Variants in OTUD7B observed in about 807,000 individuals in gnomAD.
OTUD7B encodes the protein OTU domain-containing protein 7B.
A neutral mutation model predicts 82.2 loss-of-function variants in OTUD7B; 34 were observed. The observed-to-expected ratio is 0.41, with a 90% CI of 0.31 to 0.55. OTUD7B has a LOEUF of 0.55. Ranked by LOEUF, OTUD7B falls within the 20% of genes least tolerant of loss-of-function variation. OTUD7B has a pLI of 0.20. For missense variants in OTUD7B, 944 were observed against 1,062.1 expected, an observed-to-expected ratio of 0.89 and a Z score of 1.55; for synonymous variants, 398 against 402.7, an observed-to-expected ratio of 0.99 and a Z score of 0.14.
At chr1:150,028,549 C>T in the OTUD7B span, among the ~76,000 whole-genome samples, 6 of 152,184 alleles carry the variant, frequency 3.9e-5, no homozygotes, top group Non-Finnish European at 5.9e-5. Context: ...CTCCAGAATT[C>T]TTTTCACTTT....
chr1:150,043,595 A>G, the OTUD7B span, among the ~76,000 whole-genome samples: 1 of 152,102 alleles, frequency 6.6e-6, no homozygotes, highest in African/African-American at 2.4e-5. Context: ...CAAGCAGATG[A>G]TGAATGACTT....
At chr1:149,962,184 T>C (rs1481103840) in intron 6 of OTUD7B, 1 of 152,246 alleles carries the variant, frequency 6.6e-6, no homozygotes, top group Non-Finnish European at 1.5e-5. Flanking sequence ...TCCCTCTTCC[T>C]GGCCGGTTTC....
the OTUD7B span, among the ~76,000 whole-genome samples, chr1:150,021,188 C>T: frequency 1.3e-5 from 2 of 152,140 alleles, no homozygotes; most frequent in Admixed American, 6.5e-5. Flanking sequence ...TTTCCCCCTT[C>T]GGGTCATATA....
the OTUD7B span, among the ~76,000 whole-genome samples, chr1:150,022,396 CAAAAAAAAA>C: frequency 5.3e-3 from 32 of 6,084 alleles, 5 homozygotes; most frequent in African/African-American, 7.5e-3. Flanking sequence ...AAACTCTCTA[CAAAAAAAAA>C]AAAAAAAAAA....
rs1219322629 is a variant in OTUD7B, at chr1:149,938,894, T to C, written c.*4963A>G. 2.3e-5 allele frequency: 3 copies of C among 133,192 alleles called. No individual in the cohort carries two copies. Among genetic ancestry groups the C allele is most frequent in the Non-Finnish European group, 4.6e-5 (3 of 65,472 alleles). 8.3% of individuals were successfully genotyped at this position (133,192 alleles called of 1,614,324 possible). On this transcript the variant is annotated 3_prime_UTR_variant, in exon 12 of 12. Transcript: ENST00000581312. ...TTGCAGTGAGCCGGGATCGCGCCAT[T>C]GCACTCCATCCTGGGCGACAAGAGC... is the stretch of plus-strand genomic sequence containing the variant.
intron 2 of OTUD7B, among the ~76,000 whole-genome samples, chr1:149,975,680 A>T (rs1278175661): frequency 6.6e-6 from 1 of 152,182 alleles, no homozygotes; most frequent in Non-Finnish European, 1.5e-5. Flanking sequence ...AGAGGTGACA[A>T]GTCAGGCCTG....
At chr1:149,974,431 T>C (rs1382655849) in intron 2 of OTUD7B, among the ~76,000 whole-genome samples, 1 of 152,140 alleles carries the variant, frequency 6.6e-6, no homozygotes, top group African/African-American at 2.4e-5. Context: ...ACTCCCCTGA[T>C]TAAAATCCTT....
At chr1:150,052,816 C>CAAA in the OTUD7B span, among the ~76,000 whole-genome samples, 13 of 9,448 alleles carry the variant, frequency 1.4e-3, no homozygotes, top group African/African-American at 2.2e-3. Context: ...CAAACGAAAA[C>CAAA]AAAAAACAAA....
chr1:149,949,811 T>C, intron 8 of OTUD7B, 33 bp from the exon 9 acceptor site: 1 of 1,599,600 alleles, frequency 6.3e-7, no homozygotes, highest in South Asian at 1.1e-5. Flanking sequence ...TTATGAAGGC[T>C]GTGTTTCTGC....
At chr1:150,010,329 A>C in intron 1 of OTUD7B, 119 bp downstream of exon 1, 1 of 152,572 alleles carries the variant, frequency 6.6e-6, no homozygotes, top group East Asian at 1.9e-4. Flanking sequence ...TTCGGGTGAA[A>C]CAGATTCAGA....
chr1:150,002,610 G>C (rs1361308908), intron 1 of OTUD7B, among the ~76,000 whole-genome samples: 1 of 152,204 alleles, frequency 6.6e-6, no homozygotes, highest in African/African-American at 2.4e-5. Context: ...ACTGAAATGG[G>C]ACTTGGGAGA....
At chr1:149,955,490 A>G (rs1439721011) in intron 7 of OTUD7B, among the ~76,000 whole-genome samples, 6 of 152,158 alleles carry the variant, frequency 3.9e-5, no homozygotes, top group African/African-American at 1.4e-4. Flanking sequence ...AATAAGTGTG[A>G]TGTGGTGCTA....
At chr1:149,951,206 C>T (rs999034022) in intron 7 of OTUD7B, among the ~76,000 whole-genome samples, 4 of 151,888 alleles carry the variant, frequency 2.6e-5, no homozygotes, top group East Asian at 1.9e-4. Flanking sequence ...CTCCTGACTT[C>T]GTGATCCGCC....
At chr1:150,049,391 A>G in the OTUD7B span, among the ~76,000 whole-genome samples, 1 of 152,178 alleles carries the variant, frequency 6.6e-6, no homozygotes. Context: ...GTGGTTAGTC[A>G]GGATGTTGCT....
Position 150,007,304 on chromosome 1 carries a change from C to T in OTUD7B, c.-67+3144G>A, listed in dbSNP as rs926961908. Among the ~76,000 whole-genome samples the T allele has an allele frequency of 2.2e-4, 33 of 152,152 alleles. 1 individual carries two copies. The highest frequency in any genetic ancestry group is 6.0e-4 in the African/African-American group (25 of 41,428). ...GTAAAAAATAGCCGCAAGGTCTGAACGAAGACCCATCTAACTCAATAGCCC... is the reference window on the plus strand; with the variant it reads ...GTAAAAAATAGCCGCAAGGTCTGAATGAAGACCCATCTAACTCAATAGCCC... On this transcript the variant is annotated intron_variant, in intron 1 of 11. Coordinates refer to ENST00000581312, the MANE Select transcript of OTUD7B (RefSeq NM_020205.4).
intron 1 of OTUD7B, among the ~76,000 whole-genome samples, chr1:149,997,419 A>G (rs1651990417): frequency 6.6e-6 from 1 of 152,184 alleles, no homozygotes; most frequent in African/African-American, 2.4e-5. Context: ...GACAGGGTAA[A>G]TAAGTCTCAA....
chr1:149,990,067 T>C (rs1651456302), intron 1 of OTUD7B, among the ~76,000 whole-genome samples: 1 of 152,224 alleles, frequency 6.6e-6, no homozygotes, highest in Non-Finnish European at 1.5e-5. Flanking sequence ...TGGTCTACCA[T>C]CTACCAGGCA....
At chr1:149,964,137 A>G (rs1553776005) in intron 6 of OTUD7B, 85 bp downstream of exon 6, 26 of 1,505,188 alleles carry the variant, frequency 1.7e-5, no homozygotes, top group Non-Finnish European at 2.4e-5. Context: ...AAACACTTGG[A>G]AATATTTTCT....
At chr1:150,019,509 A>G in the OTUD7B span, among the ~76,000 whole-genome samples, 1 of 152,210 alleles carries the variant, frequency 6.6e-6, no homozygotes, top group East Asian at 1.9e-4. Context: ...CTGGAATTAC[A>G]GGCATGGGCA....
Sources: gnomAD v4.1 joint callset for allele counts (sites outside exome capture counted in the v4.1 genomes callset) on GRCh38, gnomAD v4.1.1 for gene constraint, MANE v1.5 for transcripts, NCBI Gene and HGNC (gene_info 2026-07-23, HGNC 2026-07-21) for gene names.